NFKB1: variants seen among roughly 807,000 people sequenced by gnomAD.
NFKB1 encodes the protein nuclear factor kappa B subunit 1.
Under a neutral mutation model 105.1 loss-of-function variants are expected in NFKB1, and 9 were observed. The observed-to-expected ratio is 0.09, with a 90% CI of 0.05 to 0.15. The LOEUF (loss-of-function observed/expected upper bound fraction) is 0.15. Among genes scored for constraint, NFKB1 ranks in the 10% least tolerant of loss-of-function variants. NFKB1 has a pLI of 1.00. For synonymous variants in NFKB1, 440 were observed against 442.2 expected (o/e 1.00, Z 0.06); for missense variants, 830 against 1,203.7 (o/e 0.69, Z 4.59).
chr4:102,530,791 C>T (rs557884864), intron 3 of NFKB1, among the ~76,000 whole-genome samples: 2 of 152,194 alleles, frequency 1.3e-5, no homozygotes, highest in East Asian at 1.9e-4. Flanking sequence ...GATCAGAAAA[C>T]TTTTTCTGCA....
At position 102,616,626 on chromosome 4, in the gene NFKB1, A is replaced by G. The variant is rs1354455002; in HGVS notation, c.*32A>G. On this transcript the variant is annotated 3_prime_UTR_variant, in exon 24 of 24. Transcript: ENST00000226574. Reference sequence around the variant, plus strand: ...GACAATTTCCCACACCGTGTAAACCAAAGCCCTAAAATTCCACTGCGTTGT... The same window carrying G: ...GACAATTTCCCACACCGTGTAAACCGAAGCCCTAAAATTCCACTGCGTTGT... 6.2e-7 allele frequency: 1 copy of G among 1,604,408 alleles called. No individual in the cohort carries two copies. Among genetic ancestry groups the G allele is most frequent in the Non-Finnish European group, 8.5e-7 (1 of 1,174,316 alleles).
At chr4:102,565,605 T>C (rs1298128224) in intron 5 of NFKB1, among the ~76,000 whole-genome samples, 1 of 152,176 alleles carries the variant, frequency 6.6e-6, no homozygotes, top group Non-Finnish European at 1.5e-5. Flanking sequence ...GTTTAGGGTC[T>C]TCCTCAAGTT....
Position 102,567,013 on chromosome 4 carries a change from G to T in NFKB1, c.285G>T (p.Lys95Asn). The T allele has an allele frequency of 6.2e-7, 1 of 1,613,980 alleles. No homozygotes were observed. Among genetic ancestry groups the T allele is most frequent in the Non-Finnish European group, 8.5e-7 (1 of 1,179,884 alleles). The change falls in exon 6 of 24, where the codon AAG becomes AAT. Residue 95 changes from lysine (K) to asparagine (N), a missense_variant. Lys to Asn is a moderately conservative substitution (Grantham distance 94, BLOSUM62 0). Transcript: ENST00000226574. Reference sequence around the variant, plus strand: ...TCTGCAACTATGTGGGACCAGCAAAGGTTATTGTTCAGTTGGTCACAAATG... The same window carrying T: ...TCTGCAACTATGTGGGACCAGCAAATGTTATTGTTCAGTTGGTCACAAATG... Reference protein sequence around the residue: ...VKICNYVGPAKVIVQLVTNGK... With the variant: ...VKICNYVGPANVIVQLVTNGK...
chr4:102,566,927 A>G, intron 5 of NFKB1, 60 bp from the exon 6 acceptor site: 3 of 1,573,268 alleles, frequency 1.9e-6, no homozygotes, highest in East Asian at 2.2e-5. Flanking sequence ...TATCATAAAC[A>G]TGTTTCCATG....
In NFKB1 at chr4:102,576,718, A is replaced by T. The variant is rs909332; in HGVS notation, c.408-158A>T. On this transcript the variant is annotated intron_variant, in intron 6 of 23. Transcript: ENST00000226574. ...ATATTGCCTTTTTAACATCAAAAATACCCTAAATTCTGAAATGCATGTAGC... is the reference window on the plus strand; with the variant it reads ...ATATTGCCTTTTTAACATCAAAAATTCCCTAAATTCTGAAATGCATGTAGC... Among the ~76,000 whole-genome samples, 8,598 of 152,042 alleles carry T rather than the reference A, an allele frequency of 0.057. 274 individuals are homozygous for T. Among genetic ancestry groups the T allele is most frequent in the African/African-American group, 0.088 (3,665 of 41,420 alleles).
chr4:102,555,258 GA>G (rs1471379006), intron 5 of NFKB1, among the ~76,000 whole-genome samples: 1 of 152,140 alleles, frequency 6.6e-6, no homozygotes, highest in East Asian at 1.9e-4. Flanking sequence ...TGTTGCCTGG[GA>G]ACACCACTTT....
chr4:102,574,162 G>A (rs745803720), intron 6 of NFKB1, among the ~76,000 whole-genome samples: 4 of 122,564 alleles, frequency 3.3e-5, no homozygotes, highest in South Asian at 2.5e-4. Flanking sequence ...TTTTAAATAC[G>A]TTTGAGGATT....
intron 1 of NFKB1, among the ~76,000 whole-genome samples, chr4:102,510,452 C>G (rs575827220): frequency 1.3e-5 from 2 of 152,272 alleles, no homozygotes; most frequent in East Asian, 3.9e-4. Flanking sequence ...GAGCATCTCT[C>G]TCTAAAATTA....
rs141463428 is a variant in NFKB1 at position 102,593,124 on chromosome 4, G to C, written c.1067-301G>C. Reference sequence around the variant, plus strand: ...TAATTTTTTAATTCAGCATCTTCAGGATCTTTTTGATGGATAATCAAATAT... The same window carrying C: ...TAATTTTTTAATTCAGCATCTTCAGCATCTTTTTGATGGATAATCAAATAT... On this transcript the variant is annotated intron_variant, in intron 11 of 23. Transcript: ENST00000226574. 3.1e-3 allele frequency: 591 copies of C among 191,790 alleles called. 1 individual carries two copies. The highest frequency in any genetic ancestry group is 0.011 in the African/African-American group (491 of 43,094). The allele number at this position is 191,790 out of a possible 1,614,324, so 11.9% of individuals were successfully genotyped here.
At chr4:102,579,629 C>T (rs1226725117) in intron 8 of NFKB1, among the ~76,000 whole-genome samples, 1 of 87,238 alleles carries the variant, frequency 1.1e-5, no homozygotes, top group Admixed American at 9.9e-5. Context: ...ATAATGAGAC[C>T]CCATCTCAAA....
At chr4:102,577,076 G>A (rs541231003) in intron 7 of NFKB1, 37 bp downstream of exon 7, 2 of 1,585,044 alleles carry the variant, frequency 1.3e-6, no homozygotes, top group Non-Finnish European at 8.6e-7. Flanking sequence ...CCTCCAAGGG[G>A]TCCAGGCTTT....
chr4:102,543,254 C>T (rs1209019015), intron 5 of NFKB1, among the ~76,000 whole-genome samples: 1 of 152,122 alleles, frequency 6.6e-6, no homozygotes, highest in Non-Finnish European at 1.5e-5. Flanking sequence ...GAAACTCTCA[C>T]CAATCCTCCT....
intron 4 of NFKB1, 55 bp from the exon 5 acceptor site, chr4:102,537,803 G>A (rs1247561921): frequency 6.2e-5 from 67 of 1,088,148 alleles, no homozygotes; most frequent in South Asian, 4.8e-4. Flanking sequence ...CTTTGTTGCC[G>A]TAATTTTTAA....
In NFKB1 at chr4:102,527,821, C is replaced by G. The variant is rs79315606; in HGVS notation, c.40-2015C>G. ...TCTGCTTGATTTTAAACCATCCTTT[C>G]CTGTCTGTACACAGGAAATCTTATC... is the stretch of plus-strand genomic sequence containing the variant. On this transcript the variant is annotated intron_variant, in intron 2 of 23. Transcript: ENST00000226574. Among the ~76,000 whole-genome samples the G allele has an allele frequency of 5.4e-3, 829 of 152,256 alleles. 5 individuals are homozygous for G. The highest frequency in any genetic ancestry group is 0.019 in the African/African-American group (793 of 41,552).
intron 5 of NFKB1, among the ~76,000 whole-genome samples, chr4:102,547,113 A>T (rs1347857114): frequency 6.6e-6 from 1 of 152,200 alleles, no homozygotes; most frequent in Non-Finnish European, 1.5e-5. Flanking sequence ...GAACAATGAA[A>T]AGCAGAATTA....
chr4:102,615,118 T>TA (rs1728823486), intron 23 of NFKB1, among the ~76,000 whole-genome samples: 1 of 152,140 alleles, frequency 6.6e-6, no homozygotes, highest in Admixed American at 6.5e-5. Flanking sequence ...ATGATTCTTC[T>TA]AAAAAATCAG....
intron 5 of NFKB1, among the ~76,000 whole-genome samples, chr4:102,549,470 T>C (rs1722405796): frequency 6.7e-6 from 1 of 149,656 alleles, no homozygotes; most frequent in Non-Finnish European, 1.5e-5. Context: ...TGTTTATATA[T>C]TGAATTTATA....
chr4:102,519,123 T>G (rs1202242593), intron 1 of NFKB1, among the ~76,000 whole-genome samples: 1 of 151,984 alleles, frequency 6.6e-6, no homozygotes, highest in Non-Finnish European at 1.5e-5. Context: ...CACTTTGGTG[T>G]TGTTGGCATA....
At chr4:102,576,812 C>T in intron 6 of NFKB1, 64 bp from the exon 7 acceptor site, 2 of 1,507,500 alleles carry the variant, frequency 1.3e-6, no homozygotes, top group Admixed American at 2.1e-5. Flanking sequence ...AAGCCAGATT[C>T]CCTAGACATT....
Sources: allele counts gnomAD v4.1 joint callset (sites outside exome capture counted in the v4.1 genomes callset), GRCh38; gene constraint gnomAD v4.1.1; transcripts MANE v1.5; gene names NCBI Gene and HGNC (gene_info 2026-07-23, HGNC 2026-07-21).